Variants in ROR1 observed in about 807,000 individuals in gnomAD.
ROR1 encodes inactive tyrosine-protein kinase transmembrane receptor ROR1.
In ROR1, 19 loss-of-function variants were observed where a neutral mutation model predicts 78.8. The observed-to-expected ratio is 0.24, with a 90% CI of 0.17 to 0.35. The LOEUF (loss-of-function observed/expected upper bound fraction) is 0.35, where lower values mean the gene tolerates loss of function less well. Ranked by LOEUF, ROR1 falls within the 10% of genes least tolerant of loss-of-function variation. The probability of loss-of-function intolerance (pLI) is 1.00; values close to 1 mark genes in which losing one functional copy is unlikely to be tolerated. For missense variants in ROR1, 917 were observed against 1,177.8 expected (o/e 0.78, Z 3.24); for synonymous variants, 386 against 433.6 (o/e 0.89, Z 1.36).
intron 4 of ROR1, among the ~76,000 whole-genome samples, chr1:64,094,024 T>A (rs1227786141): frequency 1.3e-5 from 2 of 152,180 alleles, no homozygotes; most frequent in African/African-American, 4.8e-5. Flanking sequence ...CCTATCAAAT[T>A]TCAAAGCTGT....
At chr1:64,117,179 TAA>T (rs1243226870) in intron 4 of ROR1, among the ~76,000 whole-genome samples, 3 of 152,138 alleles carry the variant, frequency 2.0e-5, no homozygotes, top group Non-Finnish European at 4.4e-5. Flanking sequence ...GGAAACTTAG[TAA>T]AGAGGAAAAG....
At chr1:64,116,930 G>A (rs1300174501) in intron 4 of ROR1, among the ~76,000 whole-genome samples, 1 of 152,110 alleles carries the variant, frequency 6.6e-6, no homozygotes, top group Non-Finnish European at 1.5e-5. Context: ...CATATGAAAT[G>A]TTATTTCAAC....
intron 1 of ROR1, among the ~76,000 whole-genome samples, chr1:63,812,725 A>G (rs185120365): frequency 1.3e-5 from 2 of 152,364 alleles, no homozygotes; most frequent in Non-Finnish European, 2.9e-5. Flanking sequence ...TATTAAAAAT[A>G]TAACTACCAT....
chr1:64,003,907 A>T (rs1646407529), intron 1 of ROR1, among the ~76,000 whole-genome samples: 5 of 152,224 alleles, frequency 3.3e-5, no homozygotes, highest in Admixed American at 3.3e-4. Context: ...AGCATCTTTG[A>T]CTGTTTTCCC....
chr1:64,074,222 T>C lies in ROR1; in HGVS notation c.482+23506T>C, dbSNP rs572300422. Among the ~76,000 whole-genome samples, 7 of 152,320 alleles carry C rather than the reference T, an allele frequency of 4.6e-5. No homozygotes were observed. The South Asian group carries it at 1.2e-3, about 27-fold the overall frequency. ...AGCCAGCCCAGTTAGTGTATTTGGG[T>C]ATCCAACCGTGCCCCAAAGTCACTG... On this transcript the variant is annotated intron_variant, in intron 4 of 8. Coordinates refer to ENST00000371079, the MANE Select transcript of ROR1 (RefSeq NM_005012.4).
chr1:63,843,410 C>A, intron 1 of ROR1: 1 of 745,020 alleles, frequency 1.3e-6, no homozygotes, highest in South Asian at 1.4e-5. Context: ...CCTCCTTGCT[C>A]TCCTTGGTCT....
At chr1:63,982,880 A>G (rs1234686101) in intron 1 of ROR1, among the ~76,000 whole-genome samples, 1 of 152,112 alleles carries the variant, frequency 6.6e-6, no homozygotes, top group African/African-American at 2.4e-5. Context: ...AAAATAATTT[A>G]ATCTGTCTGT....
At chr1:63,951,446 A>G (rs951106305) in intron 1 of ROR1, among the ~76,000 whole-genome samples, 1 of 152,196 alleles carries the variant, frequency 6.6e-6, no homozygotes, top group Non-Finnish European at 1.5e-5. Flanking sequence ...ATATGAGGAA[A>G]ATAGGGTAAA....
intron 4 of ROR1, among the ~76,000 whole-genome samples, chr1:64,102,852 C>T (rs1647614074): frequency 6.6e-6 from 1 of 152,182 alleles, no homozygotes; most frequent in Admixed American, 6.5e-5. Flanking sequence ...TGCTTAGCAG[C>T]ATCCCTGGCC....
intron 1 of ROR1, among the ~76,000 whole-genome samples, chr1:63,868,144 TG>T (rs1645228729): frequency 6.6e-6 from 1 of 151,958 alleles, no homozygotes; most frequent in Non-Finnish European, 1.5e-5. Context: ...TTGTTGTTGT[TG>T]TTGTTTTGTT....
intron 4 of ROR1, among the ~76,000 whole-genome samples, chr1:64,098,249 A>T (rs1475514177): frequency 1.3e-5 from 2 of 152,118 alleles, no homozygotes; most frequent in African/African-American, 4.8e-5. Flanking sequence ...GTGCTTTTAG[A>T]TGCACTGAGT....
At chr1:63,906,181 C>T (rs1645527181) in intron 1 of ROR1, among the ~76,000 whole-genome samples, 1 of 152,156 alleles carries the variant, frequency 6.6e-6, no homozygotes, top group Admixed American at 6.5e-5. Context: ...AATCATCCAC[C>T]TCTGTGAACG....
chr1:64,129,224 G>A (rs1288362369), intron 4 of ROR1, among the ~76,000 whole-genome samples: 1 of 152,132 alleles, frequency 6.6e-6, no homozygotes, highest in Non-Finnish European at 1.5e-5. Context: ...CTTCTGAGTA[G>A]TAAGATGAAA....
At chr1:63,903,160 A>G (rs1645499606) in intron 1 of ROR1, among the ~76,000 whole-genome samples, 6 of 152,172 alleles carry the variant, frequency 3.9e-5, no homozygotes, top group Admixed American at 3.9e-4. Flanking sequence ...ATAAGGGAAA[A>G]GGAGGGGCTG....
chr1:63,807,837 C>T (rs2100265046), intron 1 of ROR1, among the ~76,000 whole-genome samples: 1 of 152,168 alleles, frequency 6.6e-6, no homozygotes, highest in African/African-American at 2.4e-5. Context: ...TCTGGAGATA[C>T]AAAGATGCGT....
intron 1 of ROR1, among the ~76,000 whole-genome samples, chr1:63,794,892 G>T (rs1644750379): frequency 6.6e-6 from 1 of 152,210 alleles, no homozygotes; most frequent in South Asian, 2.1e-4. Flanking sequence ...CATGAAACTG[G>T]TGATAGTGGT....
rs894673561 is a variant in ROR1, at chr1:63,886,264, C to T, written c.91+111756C>T. Among the ~76,000 whole-genome samples the T allele has an allele frequency of 3.3e-5, 5 of 152,248 alleles. No homozygotes were observed. The South Asian group carries it at 6.2e-4, about 19-fold the overall frequency. ...CCGCTCACCTCCTGCTGTGCAACCC[C>T]GTTCCTAACAGGCCATGGACTAGTA... is the stretch of plus-strand genomic sequence containing the variant. On this transcript the variant is annotated intron_variant, in intron 1 of 8. Coordinates refer to ENST00000371079, the MANE Select transcript of ROR1 (RefSeq NM_005012.4).
intron 1 of ROR1, among the ~76,000 whole-genome samples, chr1:63,822,809 A>G (rs1235754072): frequency 1.3e-5 from 2 of 152,184 alleles, no homozygotes; most frequent in Non-Finnish European, 2.9e-5. Context: ...AGTATAAACA[A>G]TGCTATGATT....
At chr1:63,964,356 A>C (rs945661071) in intron 1 of ROR1, among the ~76,000 whole-genome samples, 1 of 152,172 alleles carries the variant, frequency 6.6e-6, no homozygotes, top group African/African-American at 2.4e-5. Context: ...CTTCCCTGGG[A>C]TAAATAAAAT....
Sources: gnomAD v4.1 joint callset for allele counts (sites outside exome capture counted in the v4.1 genomes callset) on GRCh38, gnomAD v4.1.1 for gene constraint, MANE v1.5 for transcripts, NCBI Gene and HGNC (gene_info 2026-07-23, HGNC 2026-07-21) for gene names.